Variants in RAD52 observed in about 807,000 individuals in gnomAD.
RAD52 encodes the protein DNA repair protein RAD52 homolog.
Under a neutral mutation model 55.5 loss-of-function variants are expected in RAD52, and 47 were observed. That is an observed-to-expected ratio of 0.85 (90% confidence interval 0.67 to 1.08). RAD52 has a LOEUF of 1.08. RAD52 is among the 50% of genes least tolerant of loss of function. The pLI is 0.00. For synonymous variants in RAD52, 184 were observed against 198.9 expected (o/e 0.92, Z 0.63); for missense variants, 468 against 522.8 (o/e 0.90, Z 1.02).
chr12:984,719 C>T (rs1322525051), intron 1 of RAD52, among the ~76,000 whole-genome samples: 2 of 149,928 alleles, frequency 1.3e-5, no homozygotes, highest in Admixed American at 1.3e-4. Context: ...GGCTGGAGTG[C>T]AGTGGCGTGA....
chr12:989,393 T>A (rs1174378396), intron 1 of RAD52, among the ~76,000 whole-genome samples: 2 of 152,246 alleles, frequency 1.3e-5, no homozygotes, highest in Non-Finnish European at 2.9e-5. Flanking sequence ...CTTCTCATTT[T>A]CTATTTTGTA....
chr12:965,192 T>A (rs371183014), intron 1 of RAD52, among the ~76,000 whole-genome samples: 22 of 151,962 alleles, frequency 1.4e-4, no homozygotes, highest in Non-Finnish European at 2.4e-4. Flanking sequence ...GTTGGCCAGG[T>A]TGGTCTTGAT....
chr12:913,272 G>A lies in RAD52; in HGVS notation c.*119C>T, dbSNP rs1285933808. On this transcript the variant is annotated 3_prime_UTR_variant, in exon 12 of 12. Coordinates refer to ENST00000358495, the MANE Select transcript of RAD52 (RefSeq NM_134424.4). ...AGATCCTCTTGATAAGGTTCAGAAT[G>A]AAGCAAGATAAATCGCAATGACGTT... is the stretch of plus-strand genomic sequence containing the variant. 4 of 813,444 alleles carry A rather than the reference G, an allele frequency of 4.9e-6. No individual in the cohort carries two copies. Among genetic ancestry groups the A allele is most frequent in the Non-Finnish European group, 8.1e-6 (4 of 494,226 alleles). 50.4% of individuals were successfully genotyped at this position (813,444 alleles called of 1,614,324 possible).
intron 1 of RAD52, among the ~76,000 whole-genome samples, chr12:971,640 T>C (rs1442116349): frequency 6.6e-6 from 1 of 152,252 alleles, no homozygotes; most frequent in Non-Finnish European, 1.5e-5. Context: ...TAATAAATTT[T>C]GCTAGTCTTT....
At chr12:926,818 G>A in intron 6 of RAD52, 2 of 1,536,892 alleles carry the variant, frequency 1.3e-6, no homozygotes, top group Non-Finnish European at 1.7e-6. Context: ...GAGGACTGCT[G>A]AGGAGCACGG....
At chr12:918,561 A>AATTTTT (rs573740050) in intron 7 of RAD52, among the ~76,000 whole-genome samples, 9 of 151,964 alleles carry the variant, frequency 5.9e-5, no homozygotes, top group East Asian at 1.9e-4. Context: ...AGGCCCAGCT[A>AATTTTT]ATTTTTATTT....
rs11571467 is a variant in RAD52, at chr12:915,604, G to A, written c.865+740C>T. On this transcript the variant is annotated intron_variant, in intron 9 of 11. Transcript: ENST00000358495. ...TGTATCACTATTCCCACTCAATCTG[G>A]ACTCTGAAATAAACTAAAGTTGATA... 7.7e-3 allele frequency among the ~76,000 whole-genome samples: 1,176 copies of A among 152,308 alleles called. 12 individuals are homozygous for A. Among genetic ancestry groups the A allele is most frequent in the South Asian group, 0.045 (218 of 4,826 alleles).
At chr12:918,239 CAT>C (rs1956515559) in intron 7 of RAD52, among the ~76,000 whole-genome samples, 1 of 152,222 alleles carries the variant, frequency 6.6e-6, no homozygotes, top group Admixed American at 6.5e-5. Flanking sequence ...TAAATTGCCA[CAT>C]ACTCATGCAA....
intron 1 of RAD52, among the ~76,000 whole-genome samples, chr12:977,664 G>A (rs1279718375): frequency 2.0e-5 from 3 of 152,216 alleles, no homozygotes; most frequent in Non-Finnish European, 4.4e-5. Flanking sequence ...AGGTAACGGG[G>A]AAGTGAGACA....
upstream of RAD52, among the ~76,000 whole-genome samples, chr12:954,274 ACT>A (rs565558189): frequency 1.2e-4 from 19 of 152,142 alleles, no homozygotes; most frequent in South Asian, 3.9e-3. Context: ...ATCTTCTCTT[ACT>A]CTGTTAGCTG....
At chr12:925,610 G>C in intron 6 of RAD52, 85 bp from the exon 7 acceptor site, 3 of 1,157,602 alleles carry the variant, frequency 2.6e-6, no homozygotes, top group Non-Finnish European at 3.9e-6. Context: ...CTTTTGTACA[G>C]GTTGCTTCTC....
chr12:964,368 G>T lies in RAD52; in HGVS notation c.-19+25441C>A, dbSNP rs1028631527. ...AGATCACCTGAGGTCAGGAGTTTGA[G>T]ACCAGCCAGGCCAATGTGGCGAAAC... On this transcript the variant is annotated intron_variant, in intron 1 of 11. Coordinates refer to the RAD52 transcript ENST00000430095. Among the ~76,000 whole-genome samples the T allele has an allele frequency of 2.9e-4, 44 of 152,146 alleles. 1 individual carries two copies. Among genetic ancestry groups the T allele is most frequent in the African/African-American group, 1.1e-3 (44 of 41,426 alleles).
chr12:943,740 AT>A (rs1958041817), intron 1 of RAD52, among the ~76,000 whole-genome samples: 1 of 149,478 alleles, frequency 6.7e-6, no homozygotes, highest in Admixed American at 6.7e-5. Flanking sequence ...CTGTGATTAC[AT>A]TTTGATGTAA....
At chr12:933,824 T>C (rs1957465147) in intron 1 of RAD52, among the ~76,000 whole-genome samples, 1 of 152,004 alleles carries the variant, frequency 6.6e-6, no homozygotes, top group African/African-American at 2.4e-5. Context: ...TGTGTTATAG[T>C]CAAAACACAG....
chr12:972,765 CAAA>C (rs780150903), intron 1 of RAD52, among the ~76,000 whole-genome samples: 2 of 38,428 alleles, frequency 5.2e-5, no homozygotes, highest in Non-Finnish European at 1.0e-4. Flanking sequence ...GACTCCGTCT[CAAA>C]AAAAAAAAAA....
intron 1 of RAD52, among the ~76,000 whole-genome samples, chr12:934,718 A>G (rs540456056): frequency 1.3e-5 from 2 of 152,276 alleles, no homozygotes; most frequent in South Asian, 4.1e-4. Context: ...TCACATATCA[A>G]ATCATCACAT....
Position 939,282 on chromosome 12 carries a change from C to G in RAD52, c.-18-6206G>C, listed in dbSNP as rs998579570. On this transcript the variant is annotated intron_variant, in intron 1 of 11. Coordinates refer to ENST00000358495, the MANE Select transcript of RAD52 (RefSeq NM_134424.4). ...CTTCCCACCTCAGCCTCCTAAGTAG[C>G]TGGGACTACAGTTGTATAACGCCAC... Among the ~76,000 whole-genome samples, 15 of 152,088 alleles carry G rather than the reference C, an allele frequency of 9.9e-5. 1 individual carries two copies. The highest frequency in any genetic ancestry group is 2.1e-4 in the Non-Finnish European group (14 of 67,988).
chr12:914,403 T>C (rs1476943340), intron 10 of RAD52, 28 bp downstream of exon 10: 1 of 1,612,756 alleles, frequency 6.2e-7, no homozygotes, highest in African/African-American at 1.3e-5. Flanking sequence ...TACAGCACAG[T>C]AGCTTACAAG....
At chr12:972,753 G>A (rs1316377432) in intron 1 of RAD52, among the ~76,000 whole-genome samples, 6 of 127,208 alleles carry the variant, frequency 4.7e-5, no homozygotes, top group Admixed American at 3.5e-4. Flanking sequence ...GCGACAGAGC[G>A]AGACTCCGTC....
Sources: allele counts gnomAD v4.1 joint callset (sites outside exome capture counted in the v4.1 genomes callset), GRCh38; gene constraint gnomAD v4.1.1; transcripts MANE v1.5; gene names NCBI Gene and HGNC (gene_info 2026-07-23, HGNC 2026-07-21).